LINGO2: variants seen among roughly 807,000 people sequenced by gnomAD.
The protein encoded by LINGO2 is leucine rich repeat and Ig domain containing 2.
LINGO2 carries 14 observed loss-of-function variants against 30.6 expected under a neutral mutation model. The observed-to-expected ratio is 0.46, with a 90% CI of 0.30 to 0.72. LINGO2 has a LOEUF of 0.72. Ranked by LOEUF, LINGO2 falls within the 30% of genes least tolerant of loss-of-function variation. LINGO2 has a pLI of 0.07. For missense variants in LINGO2, 729 were observed against 751.7 expected, an observed-to-expected ratio of 0.97 and a Z score of 0.35; for synonymous variants, 317 against 288.5, an observed-to-expected ratio of 1.10 and a Z score of -1.00.
chr9:29,046,895 A>G, the LINGO2 span, among the ~76,000 whole-genome samples: 1 of 91,564 alleles, frequency 1.1e-5, no homozygotes, highest in Non-Finnish European at 2.4e-5. Context: ...CCTGGTCAAC[A>G]TGGTGAAACC....
chr9:28,520,638 C>T (rs535383774), intron 1 of LINGO2, among the ~76,000 whole-genome samples: 1 of 152,054 alleles, frequency 6.6e-6, no homozygotes. Flanking sequence ...TCTCCAGAAC[C>T]TAGAAGACAG....
chr9:28,857,855 A>G, the LINGO2 span, among the ~76,000 whole-genome samples: 1 of 152,184 alleles, frequency 6.6e-6, no homozygotes, highest in East Asian at 1.9e-4. Flanking sequence ...ATTGGATTAC[A>G]TAAAATATAT....
the LINGO2 span, among the ~76,000 whole-genome samples, chr9:29,018,289 C>G: frequency 1.4e-4 from 21 of 151,464 alleles, no homozygotes; most frequent in South Asian, 1.0e-3. Context: ...GCAACAGAGA[C>G]TCAAGATGAC....
chr9:28,051,934 A>C (rs994763636), intron 4 of LINGO2, among the ~76,000 whole-genome samples: 1 of 152,060 alleles, frequency 6.6e-6, no homozygotes, highest in Admixed American at 6.6e-5. Flanking sequence ...AAAAACACAG[A>C]ATATTCAAAA....
the LINGO2 span, among the ~76,000 whole-genome samples, chr9:28,954,242 T>C: frequency 6.6e-6 from 1 of 152,164 alleles, no homozygotes; most frequent in Admixed American, 6.6e-5. Flanking sequence ...TTAGTTACAC[T>C]TTTATGTTAA....
intron 2 of LINGO2, among the ~76,000 whole-genome samples, chr9:28,398,996 G>T (rs973120742): frequency 6.6e-6 from 1 of 152,108 alleles, no homozygotes; most frequent in African/African-American, 2.4e-5. Flanking sequence ...TGTCTTTGTA[G>T]GACAAAGGGG....
At chr9:28,587,012 T>A (rs1276844187) in intron 1 of LINGO2, among the ~76,000 whole-genome samples, 2 of 152,010 alleles carry the variant, frequency 1.3e-5, no homozygotes, top group East Asian at 3.9e-4. Context: ...TTTATATAGT[T>A]ATAGACAGAT....
upstream of LINGO2, among the ~76,000 whole-genome samples, chr9:28,673,976 C>G (rs1347700306): frequency 6.6e-6 from 1 of 151,638 alleles, no homozygotes; most frequent in Non-Finnish European, 1.5e-5. Flanking sequence ...AAAAATCCAT[C>G]CATATGCTTA....
intron 1 of LINGO2, among the ~76,000 whole-genome samples, chr9:28,506,485 C>CACATATATATAT (rs1820135121): frequency 1.4e-5 from 1 of 73,396 alleles, no homozygotes; most frequent in African/African-American, 5.1e-5. Flanking sequence ...CACACATACA[C>CACATATATATAT]ATACACACAC....
chr9:28,816,846 T>A, the LINGO2 span, among the ~76,000 whole-genome samples: 1 of 152,182 alleles, frequency 6.6e-6, no homozygotes, highest in African/African-American at 2.4e-5. Flanking sequence ...AAATCAGTAA[T>A]AGAATTAATA....
chr9:28,766,834 GAGAA>G, the LINGO2 span, among the ~76,000 whole-genome samples: 2 of 115,832 alleles, frequency 1.7e-5, no homozygotes, highest in African/African-American at 9.3e-5. Context: ...GAGAGAAGGA[GAGAA>G]AGAGAGAGAG....
chr9:28,877,608 T>C, the LINGO2 span, among the ~76,000 whole-genome samples: 1 of 152,216 alleles, frequency 6.6e-6, no homozygotes, highest in Non-Finnish European at 1.5e-5. Flanking sequence ...TCCATTGATC[T>C]ATATCTCTGT....
At chr9:28,745,348 C>A in the LINGO2 span, among the ~76,000 whole-genome samples, 1 of 151,966 alleles carries the variant, frequency 6.6e-6, no homozygotes, top group Non-Finnish European at 1.5e-5. Context: ...TGTAAGTCAG[C>A]TCTCATCTTG....
At chr9:29,027,219 G>T in the LINGO2 span, among the ~76,000 whole-genome samples, 1 of 152,122 alleles carries the variant, frequency 6.6e-6, no homozygotes, top group Non-Finnish European at 1.5e-5. Flanking sequence ...AGTTGAGGCC[G>T]AGATTTTATT....
At chr9:28,501,763 C>G (rs548141965) in intron 1 of LINGO2, among the ~76,000 whole-genome samples, 44 of 152,178 alleles carry the variant, frequency 2.9e-4, no homozygotes, top group African/African-American at 9.9e-4. Context: ...GAAATTTATA[C>G]CTAATATCCT....
chr9:28,871,956 T>C, the LINGO2 span, among the ~76,000 whole-genome samples: 2 of 152,050 alleles, frequency 1.3e-5, no homozygotes, highest in African/African-American at 4.8e-5. Context: ...TAATAATAAG[T>C]TTTGCACCAA....
intron 4 of LINGO2, among the ~76,000 whole-genome samples, chr9:28,226,935 T>C (rs1245678663): frequency 6.6e-6 from 1 of 152,130 alleles, no homozygotes; most frequent in African/African-American, 2.4e-5. Context: ...TAGAACTAGG[T>C]AGGGTTTTAA....
intron 3 of LINGO2, among the ~76,000 whole-genome samples, chr9:28,367,969 T>G (rs1820742519): frequency 6.6e-6 from 1 of 152,140 alleles, no homozygotes; most frequent in African/African-American, 2.4e-5. Context: ...TCCAATATGC[T>G]TCAATTTCTT....
intron 4 of LINGO2, among the ~76,000 whole-genome samples, chr9:28,285,088 C>T (rs1246158448): frequency 6.6e-6 from 1 of 152,196 alleles, no homozygotes; most frequent in Non-Finnish European, 1.5e-5. Context: ...AGGTGTCAGG[C>T]ATTGTGCTAA....
Sources: gnomAD v4.1 joint callset for allele counts (sites outside exome capture counted in the v4.1 genomes callset) on GRCh38, gnomAD v4.1.1 for gene constraint, MANE v1.5 for transcripts, NCBI Gene and HGNC (gene_info 2026-07-23, HGNC 2026-07-21) for gene names.